SLC30A8: variants seen among roughly 807,000 people sequenced by gnomAD.
SLC30A8 encodes proton-coupled zinc antiporter SLC30A8.
In SLC30A8, 27 loss-of-function variants were observed where a neutral mutation model predicts 36.9. The observed-to-expected ratio is 0.73, with a 90% CI of 0.54 to 1.01. The LOEUF (loss-of-function observed/expected upper bound fraction) is 1.01. SLC30A8 is among the 50% of genes least tolerant of loss of function. The probability of loss-of-function intolerance (pLI) is 0.00; values close to 1 mark genes in which losing one functional copy is unlikely to be tolerated. For missense variants in SLC30A8, 439 were observed against 452.0 expected (o/e 0.97, Z 0.26); for synonymous variants, 164 against 172.4 (o/e 0.95, Z 0.38).
At position 117,175,023 on chromosome 8, in the gene SLC30A8, A is replaced by C. The variant is rs1023714403; in HGVS notation, c.*2342A>C. 2.7e-4 allele frequency: 41 copies of C among 152,228 alleles called. No individual in the cohort carries two copies. The highest frequency in any genetic ancestry group is 9.6e-4 in the African/African-American group (40 of 41,562). The allele number at this position is 152,228 out of a possible 1,614,324, so 9.4% of individuals were successfully genotyped here. ...CCTGGTGTGGTCAGAACTCCAGGTCACTGGAAGTTAGTGGAATCATGTAGT... is the reference window on the plus strand; with the variant it reads ...CCTGGTGTGGTCAGAACTCCAGGTCCCTGGAAGTTAGTGGAATCATGTAGT... On this transcript the variant is annotated 3_prime_UTR_variant, in exon 8 of 8. Transcript: ENST00000456015.
intron 1 of SLC30A8, among the ~76,000 whole-genome samples, chr8:117,008,574 G>A (rs1816251173): frequency 1.3e-5 from 2 of 152,184 alleles, no homozygotes; most frequent in African/African-American, 2.4e-5. Context: ...ATGTCAAATG[G>A]TCAAGTATCT....
At chr8:117,014,743 G>GA (rs1282688483) in intron 1 of SLC30A8, among the ~76,000 whole-genome samples, 1 of 152,120 alleles carries the variant, frequency 6.6e-6, no homozygotes, top group Non-Finnish European at 1.5e-5. Flanking sequence ...CTGCCCCTGG[G>GA]AAATGAGATG....
At chr8:116,986,305 C>T (rs185407878) in intron 1 of SLC30A8, among the ~76,000 whole-genome samples, 121 of 152,106 alleles carry the variant, frequency 8.0e-4, no homozygotes, top group South Asian at 1.9e-3. Context: ...GTTCATTGAC[C>T]GGTCTGGTAG....
intron 1 of SLC30A8, among the ~76,000 whole-genome samples, chr8:116,999,064 G>T (rs1020162731): frequency 4.6e-5 from 7 of 152,186 alleles, no homozygotes; most frequent in African/African-American, 1.7e-4. Flanking sequence ...TTTGAGACCA[G>T]CCTGGCCAAC....
chr8:117,041,843 T>C (rs1406480747), intron 2 of SLC30A8, among the ~76,000 whole-genome samples: 1 of 152,260 alleles, frequency 6.6e-6, no homozygotes, highest in Non-Finnish European at 1.5e-5. Context: ...TTCAATAAGA[T>C]ACATTTCAGT....
At chr8:117,132,547 C>T (rs1411151583), upstream of SLC30A8, among the ~76,000 whole-genome samples, 1 of 151,988 alleles carries the variant, frequency 6.6e-6, no homozygotes, top group East Asian at 1.9e-4. Context: ...CTGAAATGAG[C>T]AGCGTAATGC....
intron 1 of SLC30A8, among the ~76,000 whole-genome samples, chr8:117,038,000 AC>A (rs1407851621): frequency 6.6e-6 from 1 of 152,228 alleles, no homozygotes. Flanking sequence ...AAGTTAGAGA[AC>A]ACGCAGAGGA....
chr8:117,005,872 A>G (rs370075452), intron 1 of SLC30A8, among the ~76,000 whole-genome samples: 1 of 152,186 alleles, frequency 6.6e-6, no homozygotes, highest in African/African-American at 2.4e-5. Flanking sequence ...TCACTTGGCA[A>G]TAGATTTACC....
intron 1 of SLC30A8, among the ~76,000 whole-genome samples, chr8:117,140,085 C>T (rs977451460): frequency 6.6e-6 from 1 of 151,628 alleles, no homozygotes; most frequent in African/African-American, 2.4e-5. Context: ...TTGAAAAGTA[C>T]AATAAATGAA....
At chr8:117,050,414 T>C (rs901052099) in intron 2 of SLC30A8, among the ~76,000 whole-genome samples, 3 of 151,936 alleles carry the variant, frequency 2.0e-5, no homozygotes, top group African/African-American at 4.8e-5. Flanking sequence ...CTTTCTTTTT[T>C]TTTTTTTTTG....
At chr8:117,172,373 T>G (rs1021070120) in intron 7 of SLC30A8, among the ~76,000 whole-genome samples, 163 bp from the exon 8 acceptor site, 4 of 152,166 alleles carry the variant, frequency 2.6e-5, no homozygotes, top group African/African-American at 9.7e-5. Flanking sequence ...CTGCCTTGTC[T>G]GTGTGAATGT....
intron 2 of SLC30A8, among the ~76,000 whole-genome samples, chr8:117,084,694 G>T (rs1452155373): frequency 1.3e-5 from 2 of 152,040 alleles, no homozygotes; most frequent in Non-Finnish European, 2.9e-5. Context: ...CTAAGTGGGT[G>T]GGGAAGCTCA....
At chr8:117,165,122 C>G (rs1294644443) in intron 6 of SLC30A8, among the ~76,000 whole-genome samples, 1 of 152,100 alleles carries the variant, frequency 6.6e-6, no homozygotes, top group African/African-American at 2.4e-5. Context: ...TGTATCAGAC[C>G]CACCTCTGTT....
intron 1 of SLC30A8, among the ~76,000 whole-genome samples, chr8:117,145,469 C>T (rs963307036): frequency 1.2e-4 from 18 of 151,750 alleles, no homozygotes; most frequent in Admixed American, 2.0e-4. Context: ...AAGCCAAAAC[C>T]ATCAGACTTT....
intron 1 of SLC30A8, among the ~76,000 whole-genome samples, chr8:117,012,898 C>G (rs1352817290): frequency 1.3e-5 from 2 of 151,888 alleles, no homozygotes; most frequent in African/African-American, 4.8e-5. Context: ...TTATAGTGGT[C>G]ATGACAACAG....
In SLC30A8 at chr8:117,163,457, AT is replaced by A; in HGVS notation, c.758del (p.Phe253SerfsTer15). 1 of 1,613,592 alleles carries A rather than the reference AT, an allele frequency of 6.2e-7. No homozygotes were observed. The highest frequency in any genetic ancestry group is 8.5e-7 in the Non-Finnish European group (1 of 1,179,704). On this transcript the variant is annotated frameshift_variant, in exon 6 of 8. Transcript: ENST00000456015. LOFTEE classifies it high-confidence loss of function. ...ATAAAATAGCCGACCCAATCTGCAC[AT>A]TCATCTTTTCCATCCTGGTCTTGGC... ...EYKIADPICT[F>X]IFSILVLAST...
chr8:117,140,111 G>A (rs1396514865), intron 1 of SLC30A8, among the ~76,000 whole-genome samples: 1 of 152,016 alleles, frequency 6.6e-6, no homozygotes, highest in Non-Finnish European at 1.5e-5. Context: ...AAATTCACTA[G>A]AGGGGTTCAA....
chr8:117,161,923 T>C (rs375276447), intron 5 of SLC30A8, 35 bp downstream of exon 5: 303 of 1,588,980 alleles, frequency 1.9e-4, no homozygotes, highest in Non-Finnish European at 2.3e-4. Context: ...CTAGTACTTA[T>C]GTAGATTAGG....
chr8:116,973,518 G>A (rs928338632), intron 1 of SLC30A8, among the ~76,000 whole-genome samples: 5 of 152,030 alleles, frequency 3.3e-5, no homozygotes, highest in Admixed American at 2.6e-4. Flanking sequence ...ACTACAAACC[G>A]CTGCTCAACG....
Sources: gnomAD v4.1 joint callset for allele counts (sites outside exome capture counted in the v4.1 genomes callset) on GRCh38, gnomAD v4.1.1 for gene constraint, MANE v1.5 for transcripts, NCBI Gene and HGNC (gene_info 2026-07-23, HGNC 2026-07-21) for gene names.